Variants in SP3 observed in about 807,000 individuals in gnomAD.
SP3 encodes transcription factor Sp3.
A neutral mutation model predicts 70.3 loss-of-function variants in SP3; 10 were observed. The ratio of observed to expected loss-of-function variants is 0.14; its 90% CI spans 0.09 to 0.24. The LOEUF (loss-of-function observed/expected upper bound fraction) is 0.24. Among genes scored for constraint, SP3 ranks in the 10% least tolerant of loss-of-function variants. The pLI is 1.00. For synonymous variants in SP3, 402 were observed against 333.5 expected, an observed-to-expected ratio of 1.21 and a Z score of -2.24; for missense variants, 825 against 914.6, an observed-to-expected ratio of 0.90 and a Z score of 1.26.
intron 4 of SP3, among the ~76,000 whole-genome samples, chr2:173,925,816 CTACTT>C (rs1357162041): frequency 6.6e-6 from 1 of 152,134 alleles, no homozygotes; most frequent in Non-Finnish European, 1.5e-5. Flanking sequence ...AAAAAAAAGA[CTACTT>C]TAAATTTACT....
rs1310013319 is a variant in SP3, at chr2:173,904,131, A to G, written c.*5810T>C. Among the ~76,000 whole-genome samples, 6 of 152,106 alleles carry G rather than the reference A, an allele frequency of 3.9e-5. No homozygotes were observed. Among genetic ancestry groups the G allele is most frequent in the African/African-American group, 1.2e-4 (5 of 41,428 alleles). ...GGGGTTCGCACTCCTATGAGAATCT[A>G]ATGTTGTGGCTCATCTGACAGGAGG... is the stretch of plus-strand genomic sequence containing the variant. On this transcript the variant is annotated 3_prime_UTR_variant, in exon 7 of 7. Transcript: ENST00000310015.
intron 4 of SP3, among the ~76,000 whole-genome samples, chr2:173,938,935 T>A (rs1330946097): frequency 6.6e-6 from 1 of 151,964 alleles, no homozygotes; most frequent in Non-Finnish European, 1.5e-5. Context: ...TGTGAAGCCA[T>A]TTTTTTTATT....
At position 173,901,931 on chromosome 2, in the gene SP3, G is replaced by A. The variant is rs532476010; in HGVS notation, c.*8010C>T. Among the ~76,000 whole-genome samples, 3 of 152,158 alleles carry A rather than the reference G, an allele frequency of 2.0e-5. No homozygotes were observed. The highest frequency in any genetic ancestry group is 2.0e-4 in the Admixed American group (3 of 15,280). ...TCGAACTGCTGACCTCAAGCAATCC[G>A]CTCGACTCAGCTTCCCAAAGTGCTG... On this transcript the variant is annotated 3_prime_UTR_variant, in exon 7 of 7. Coordinates refer to ENST00000310015, the MANE Select transcript of SP3 (RefSeq NM_003111.5).
intron 1 of SP3, 26 bp downstream of exon 1, chr2:173,965,139 A>G: frequency 6.5e-7 from 1 of 1,544,576 alleles, no homozygotes. Context: ...GGCAGCAGCA[A>G]GGGTTGCTCT....
At chr2:173,951,464 AAAC>A (rs1324683948) in intron 4 of SP3, among the ~76,000 whole-genome samples, 9 of 152,242 alleles carry the variant, frequency 5.9e-5, no homozygotes, top group African/African-American at 1.9e-4. Context: ...ACATTTTTCA[AAAC>A]AACAAAAAAA....
At position 173,907,206 on chromosome 2, in the gene SP3, AATT is replaced by A. The variant is rs1387191010; in HGVS notation, c.*2732_*2734del. ...CGCGTCCACTAAATGTTACAACAGG[AATT>A]ATTTGTACATAAATATATTCAATAT... is the stretch of plus-strand genomic sequence containing the variant. On this transcript the variant is annotated 3_prime_UTR_variant, in exon 7 of 7. Coordinates refer to ENST00000310015, the MANE Select transcript of SP3 (RefSeq NM_003111.5). 6.6e-6 allele frequency: 1 copy of A among 152,152 alleles called. No individual in the cohort carries two copies. The highest frequency in any genetic ancestry group is 1.5e-5 in the Non-Finnish European group (1 of 67,996). 9.4% of individuals were successfully genotyped at this position (152,152 alleles called of 1,614,324 possible). A position where few individuals can be genotyped will look rare whatever the true frequency, so the allele number is the denominator to read the frequency against.
At chr2:173,915,300 C>A (rs1264703710) in intron 5 of SP3, 3 of 151,990 alleles carry the variant, frequency 2.0e-5, no homozygotes, top group African/African-American at 7.2e-5. Flanking sequence ...GCCCAAAATT[C>A]TATTTAAAAA....
intron 4 of SP3, among the ~76,000 whole-genome samples, chr2:173,935,299 TTTAAA>T (rs1158602882): frequency 6.6e-6 from 1 of 152,012 alleles, no homozygotes; most frequent in African/African-American, 2.4e-5. Flanking sequence ...GAAGCTAACT[TTTAAA>T]TAAAGCAGAG....
At chr2:173,925,058 C>G (rs115602933) in intron 4 of SP3, among the ~76,000 whole-genome samples, 1,978 of 152,130 alleles carry the variant, frequency 0.013, 15 homozygotes, top group Middle Eastern at 0.044. Flanking sequence ...CGGCTAATTT[C>G]TGTATTTTTA....
intron 4 of SP3, among the ~76,000 whole-genome samples, chr2:173,948,627 T>C (rs1690618171): frequency 6.6e-6 from 1 of 152,224 alleles, no homozygotes; most frequent in Admixed American, 6.5e-5. Flanking sequence ...TTAAAATATA[T>C]GACACTAAGT....
At chr2:173,917,145 T>G (rs973534537) in intron 5 of SP3, among the ~76,000 whole-genome samples, 1 of 152,124 alleles carries the variant, frequency 6.6e-6, no homozygotes, top group Non-Finnish European at 1.5e-5. Context: ...ATAAACTAAT[T>G]AAAACATTTT....
chr2:173,931,349 T>TGTTGTTGTC (rs909907476), intron 4 of SP3, among the ~76,000 whole-genome samples: 1 of 151,644 alleles, frequency 6.6e-6, no homozygotes, highest in African/African-American at 2.4e-5. Context: ...GCATTTTTGT[T>TGTTGTTGTC]GTTGTTGTTT....
At chr2:173,944,118 A>G (rs577800192) in intron 4 of SP3, among the ~76,000 whole-genome samples, 85 of 152,378 alleles carry the variant, frequency 5.6e-4, no homozygotes, top group Middle Eastern at 6.8e-3. Flanking sequence ...TATAACCTCA[A>G]ACATTTGTTG....
chr2:173,942,003 T>C (rs1690383525), intron 4 of SP3, among the ~76,000 whole-genome samples: 1 of 152,222 alleles, frequency 6.6e-6, no homozygotes, highest in Admixed American at 6.5e-5. Context: ...TACATTTGAT[T>C]CTGTGCCAGA....
chr2:173,946,142 T>C (rs771749759), intron 4 of SP3, among the ~76,000 whole-genome samples: 8 of 151,590 alleles, frequency 5.3e-5, no homozygotes, highest in African/African-American at 9.7e-5. Flanking sequence ...TAATAATAAA[T>C]TGATTAAATA....
At chr2:173,933,488 C>T (rs968376788) in intron 4 of SP3, among the ~76,000 whole-genome samples, 3 of 151,548 alleles carry the variant, frequency 2.0e-5, no homozygotes, top group Non-Finnish European at 2.9e-5. Context: ...TGCTGCTTTC[C>T]TGACTTATGA....
chr2:173,965,683 C>T, upstream of SP3: 1 of 158,520 alleles, frequency 6.3e-6, no homozygotes, highest in Non-Finnish European at 1.4e-5. Flanking sequence ...GGGAGCTGAG[C>T]TGGGGAGGAA....
intron 4 of SP3, among the ~76,000 whole-genome samples, chr2:173,920,094 A>G (rs1407399960): frequency 6.6e-6 from 1 of 151,760 alleles, no homozygotes; most frequent in Non-Finnish European, 1.5e-5. Flanking sequence ...GCCCCCCCGC[A>G]CCCCCTATGT....
At chr2:173,920,277 G>T (rs1405371599) in intron 4 of SP3, among the ~76,000 whole-genome samples, 1 of 152,076 alleles carries the variant, frequency 6.6e-6, no homozygotes, top group Non-Finnish European at 1.5e-5. Context: ...AAAGGGGAGG[G>T]AGGGATGAAT....
Sources: gnomAD v4.1 joint callset for allele counts (sites outside exome capture counted in the v4.1 genomes callset) on GRCh38, gnomAD v4.1.1 for gene constraint, MANE v1.5 for transcripts, NCBI Gene and HGNC (gene_info 2026-07-23, HGNC 2026-07-21) for gene names.